XDH: variants seen among roughly 807,000 people sequenced by gnomAD.
XDH encodes xanthine dehydrogenase.
In XDH, 138 loss-of-function variants were observed where a neutral mutation model predicts 156.1. The ratio of observed to expected loss-of-function variants is 0.88; its 90% CI spans 0.77 to 1.02. The LOEUF (loss-of-function observed/expected upper bound fraction) is 1.02. Ranked by LOEUF, XDH falls within the 50% of genes least tolerant of loss-of-function variation. XDH has a pLI of 0.00. For synonymous variants in XDH, 669 were observed against 625.7 expected, an observed-to-expected ratio of 1.07 and a Z score of -1.03; for missense variants, 1,849 against 1,684.9, an observed-to-expected ratio of 1.10 and a Z score of -1.71.
At chr2:31,339,903 G>A (rs980460819) in intron 33 of XDH, among the ~76,000 whole-genome samples, 11 of 152,232 alleles carry the variant, frequency 7.2e-5, no homozygotes, top group Non-Finnish European at 1.6e-4. Context: ...GAAGGTCAGT[G>A]ATTCTAGGTG....
At chr2:31,343,663 A>T (rs1214142515) in intron 31 of XDH, among the ~76,000 whole-genome samples, 1 of 146,682 alleles carries the variant, frequency 6.8e-6, no homozygotes, top group Non-Finnish European at 1.5e-5. Context: ...GTTTATACAG[A>T]TATATGTCTT....
At chr2:31,380,195 T>C (rs1686399157) in intron 12 of XDH, among the ~76,000 whole-genome samples, 1 of 152,226 alleles carries the variant, frequency 6.6e-6, no homozygotes, top group African/African-American at 2.4e-5. Context: ...CAGTTCCGTG[T>C]AGGGGGAAAA....
chr2:31,387,017 AAG>A (rs1686625811), intron 8 of XDH, among the ~76,000 whole-genome samples: 1 of 140,984 alleles, frequency 7.1e-6, no homozygotes, highest in Non-Finnish European at 1.6e-5. Flanking sequence ...GGAAGGAAGG[AAG>A]GAAGGAAGGA....
Position 31,342,233 on chromosome 2 carries a change from C to T in XDH, c.3469G>A (p.Gly1157Arg). 6.2e-7 allele frequency: 1 copy of T among 1,614,180 alleles called. No homozygotes were observed. The highest frequency in any genetic ancestry group is 8.5e-7 in the Non-Finnish European group (1 of 1,180,024). ...ATTTCTACTTCAGAGCAAGCCACCCCATAGCTGAAGTAGTGGAAGGGGTTC... is the reference window on the plus strand; with the variant it reads ...ATTTCTACTTCAGAGCAAGCCACCCTATAGCTGAAGTAGTGGAAGGGGTTC... Reference protein sequence around the residue: ...SGNPFHYFSYGVACSEVEIDC... With the variant: ...SGNPFHYFSYRVACSEVEIDC... Residue 1157 changes from glycine (G) to arginine (R), a missense_variant, in exon 32 of 36, where the codon GGG (glycine) becomes AGG (arginine). Transcript: ENST00000379416.
chr2:31,352,032 G>A (rs997042754), intron 24 of XDH, among the ~76,000 whole-genome samples: 1 of 152,130 alleles, frequency 6.6e-6, no homozygotes, highest in Non-Finnish European at 1.5e-5. Flanking sequence ...CAAAGTGTAT[G>A]CCCATCAGTT....
chr2:31,353,942 T>C (rs1398172985), intron 24 of XDH, among the ~76,000 whole-genome samples: 2 of 152,254 alleles, frequency 1.3e-5, no homozygotes, highest in East Asian at 1.9e-4. Context: ...ACCTACACCT[T>C]ATGATGGAGT....
Position 31,350,364 on chromosome 2 carries a change from G to A in XDH, c.2632-141C>T, listed in dbSNP as rs1474459373. Reference sequence around the variant, plus strand: ...ATTTCTCCCCCAGGATATTGCAGCAGCATCTTTTTTTTTTTTTTTTTTTTT... The same window carrying A: ...ATTTCTCCCCCAGGATATTGCAGCAACATCTTTTTTTTTTTTTTTTTTTTT... On this transcript the variant is annotated intron_variant, in intron 24 of 35. Coordinates refer to ENST00000379416, the MANE Select transcript of XDH (RefSeq NM_000379.4). 9 of 421,606 alleles carry A rather than the reference G, an allele frequency of 2.1e-5. No individual in the cohort carries two copies. In the Admixed American group the frequency reaches 2.2e-4, roughly 10 times the overall value. The allele number at this position is 421,606 out of a possible 1,614,324, so 26.1% of individuals were successfully genotyped here.
chr2:31,398,448 G>T, intron 5 of XDH, 125 bp downstream of exon 5: 1 of 1,550,896 alleles, frequency 6.4e-7, no homozygotes. Flanking sequence ...TCACCACCTT[G>T]TTGGGGGGCC....
chr2:31,369,773 A>C (rs1686024396), intron 18 of XDH, among the ~76,000 whole-genome samples: 1 of 152,228 alleles, frequency 6.6e-6, no homozygotes, highest in Non-Finnish European at 1.5e-5. Context: ...TACATCAATA[A>C]TAAGATGAAT....
At chr2:31,346,639 A>G in intron 30 of XDH, 130 bp downstream of exon 30, 1 of 1,127,738 alleles carries the variant, frequency 8.9e-7, no homozygotes. Context: ...AATCACACAA[A>G]CCACCTCAAC....
chr2:31,341,125 A>T (rs1401920433), intron 33 of XDH, among the ~76,000 whole-genome samples: 1 of 152,078 alleles, frequency 6.6e-6, no homozygotes, highest in Non-Finnish European at 1.5e-5. Flanking sequence ...TCCCAAGTTG[A>T]CCCATATTAA....
intron 4 of XDH, among the ~76,000 whole-genome samples, chr2:31,399,140 G>A (rs1416728089): frequency 6.6e-6 from 1 of 152,236 alleles, no homozygotes; most frequent in South Asian, 2.1e-4. Flanking sequence ...TTGAGCAATT[G>A]GGTGGATGGC....
chr2:31,349,616 T>G (rs1558679425), intron 26 of XDH, 70 bp downstream of exon 26: 2 of 1,603,932 alleles, frequency 1.2e-6, no homozygotes, highest in African/African-American at 1.3e-5. Context: ...GCTTCCTATA[T>G]GGGGTCAGCA....
intron 1 of XDH, 30 bp from the exon 2 acceptor site, chr2:31,405,994 C>G (rs776083731): frequency 5.6e-6 from 9 of 1,607,352 alleles, no homozygotes; most frequent in African/African-American, 1.3e-5. Context: ...AAAAATATAT[C>G]ATAGGTATAC....
At chr2:31,382,909 C>T in intron 11 of XDH, 92 bp downstream of exon 11, 2 of 1,582,448 alleles carry the variant, frequency 1.3e-6, no homozygotes, top group Middle Eastern at 2.1e-4. Context: ...AAGTTTGAGG[C>T]CCACTGCACT....
chr2:31,407,687 T>C (rs1057243589), intron 1 of XDH, among the ~76,000 whole-genome samples: 1 of 152,178 alleles, frequency 6.6e-6, no homozygotes, highest in African/African-American at 2.4e-5. Flanking sequence ...AAAGGAGAGC[T>C]TTCTTGCTAT....
intron 24 of XDH, among the ~76,000 whole-genome samples, chr2:31,358,609 A>C (rs1213671685): frequency 6.6e-6 from 1 of 152,196 alleles, no homozygotes; most frequent in Non-Finnish European, 1.5e-5. Context: ...TGTTTAAAAA[A>C]ATCAATGAAT....
chr2:31,360,198 T>G (rs1685739942), intron 24 of XDH, among the ~76,000 whole-genome samples: 1 of 152,216 alleles, frequency 6.6e-6, no homozygotes, highest in African/African-American at 2.4e-5. Context: ...AAACAATTTA[T>G]GTTTTAAATC....
chr2:31,405,528 G>T lies in XDH; in HGVS notation c.100+379C>A, dbSNP rs551362129. ...GCTTCCCTCCACCTAGGCAGAGCTG[G>T]AAACATTCCCCAGGAACTCCATTTA... On this transcript the variant is annotated intron_variant, in intron 2 of 35. Transcript: ENST00000379416. 1.6e-4 allele frequency among the ~76,000 whole-genome samples: 25 copies of T among 152,194 alleles called. No individual in the cohort carries two copies. In the South Asian group the frequency reaches 5.0e-3, roughly 30 times the overall value.
Sources: gnomAD v4.1 joint callset for allele counts (sites outside exome capture counted in the v4.1 genomes callset) on GRCh38, gnomAD v4.1.1 for gene constraint, MANE v1.5 for transcripts, NCBI Gene and HGNC (gene_info 2026-07-23, HGNC 2026-07-21) for gene names.